Variants in TLE1 observed in about 807,000 individuals in gnomAD.
TLE1 encodes transducin-like enhancer protein 1.
TLE1 carries 21 observed loss-of-function variants against 89.8 expected under a neutral mutation model. The observed-to-expected ratio is 0.23, with a 90% CI of 0.17 to 0.34. TLE1 has a LOEUF of 0.34. Among genes scored for constraint, TLE1 ranks in the 10% least tolerant of loss-of-function variants. The pLI is 1.00. For synonymous variants in TLE1, 447 were observed against 407.6 expected, an observed-to-expected ratio of 1.10 and a Z score of -1.16; for missense variants, 795 against 1,031.2, an observed-to-expected ratio of 0.77 and a Z score of 3.14.
intron 14 of TLE1, among the ~76,000 whole-genome samples, chr9:81,595,735 C>T (rs996736089): frequency 3.3e-4 from 49 of 149,210 alleles, no homozygotes; most frequent in African/African-American, 9.9e-4. Flanking sequence ...AGGAGAATGG[C>T]GTGAACCTGG....
chr9:81,640,724 A>G (rs957130894), intron 6 of TLE1, among the ~76,000 whole-genome samples: 13 of 152,220 alleles, frequency 8.5e-5, no homozygotes, highest in Admixed American at 2.0e-4. Flanking sequence ...TACTATAATG[A>G]AACTGACTTT....
chr9:81,634,366 C>T, intron 6 of TLE1, 65 bp from the exon 7 acceptor site: 8 of 1,309,644 alleles, frequency 6.1e-6, no homozygotes, highest in East Asian at 2.7e-5. Context: ...ACAGTGATGG[C>T]GATGGAGGCG....
chr9:81,680,300 A>G (rs1833446230), intron 4 of TLE1, among the ~76,000 whole-genome samples: 1 of 152,190 alleles, frequency 6.6e-6, no homozygotes, highest in Non-Finnish European at 1.5e-5. Context: ...GCCACTCCCC[A>G]CAGGACAGGT....
rs748986061 is a variant in TLE1 at position 81,584,513 on chromosome 9, C to T, written c.2140G>A (p.Val714Met). Residue 714 changes from valine to methionine, a missense_variant, in exon 19 of 20, where the codon GTG becomes ATG. This residue lies in a region of TLE1 where 214 missense variants were observed against 354.9 expected (regional missense o/e 0.60). Coordinates refer to ENST00000376499, the MANE Select transcript of TLE1 (RefSeq NM_005077.5). The stretch of plus-strand genomic sequence containing the variant: ...AGGAGGTTATCTTTTCCAGTACTCA[C>T]AAACCATTTACCTAGAATTAGCAAA... Reference protein sequence around the residue: ...LKFAYCGKWFVSTGKDNLLNA... With the variant: ...LKFAYCGKWFMSTGKDNLLNA... 4.3e-6 allele frequency: 7 copies of T among 1,614,048 alleles called. No homozygotes were observed. The Admixed American group carries it at 5.0e-5, about 12-fold the overall frequency.
At chr9:81,633,212 C>G (rs1359311518) in intron 8 of TLE1, 136 bp downstream of exon 8, 8 of 1,406,618 alleles carry the variant, frequency 5.7e-6, no homozygotes, top group Non-Finnish European at 6.6e-6. Context: ...AAGAAAAAAG[C>G]CAGGTCACTG....
intron 14 of TLE1, among the ~76,000 whole-genome samples, chr9:81,599,373 G>A (rs923869745): frequency 5.9e-5 from 9 of 152,076 alleles, no homozygotes; most frequent in African/African-American, 2.2e-4. Flanking sequence ...GAGGGATAAC[G>A]TGGGACCCAC....
chr9:81,591,987 G>C (rs575922540), intron 15 of TLE1, among the ~76,000 whole-genome samples: 2 of 152,242 alleles, frequency 1.3e-5, no homozygotes, highest in Admixed American at 1.3e-4. Flanking sequence ...CCACACCAGG[G>C]CAGGGCAGGG....
At chr9:81,687,280 G>A (rs1834415747) in intron 2 of TLE1, 54 bp downstream of exon 2, 16 of 1,501,614 alleles carry the variant, frequency 1.1e-5, no homozygotes, top group East Asian at 2.3e-5. Context: ...CCGGCTGGGT[G>A]CAAGGGGCAC....
At chr9:81,596,611 G>A (rs925364210) in intron 14 of TLE1, among the ~76,000 whole-genome samples, 1 of 152,172 alleles carries the variant, frequency 6.6e-6, no homozygotes, top group Non-Finnish European at 1.5e-5. Flanking sequence ...AAAGAGGAAT[G>A]TATAAACAGA....
intron 4 of TLE1, among the ~76,000 whole-genome samples, chr9:81,662,400 T>TGTGTGTGC: frequency 7.4e-6 from 1 of 134,884 alleles, no homozygotes; most frequent in African/African-American, 2.7e-5. Flanking sequence ...TGTGTGTGTG[T>TGTGTGTGC]GTGTGTTTAA....
intron 6 of TLE1, among the ~76,000 whole-genome samples, chr9:81,639,241 T>A (rs1827783951): frequency 3.3e-5 from 5 of 152,034 alleles, no homozygotes; most frequent in Admixed American, 3.3e-4. Flanking sequence ...TTGGCTAATT[T>A]TTTTTACACA....
At chr9:81,613,247 A>G in intron 12 of TLE1, 130 bp downstream of exon 12, 1 of 1,290,474 alleles carries the variant, frequency 7.7e-7, no homozygotes. Context: ...GCTTTTTCAG[A>G]GATAGGAAGG....
At chr9:81,650,567 T>C (rs1166002064) in intron 6 of TLE1, among the ~76,000 whole-genome samples, 2 of 152,344 alleles carry the variant, frequency 1.3e-5, no homozygotes, top group East Asian at 3.9e-4. Context: ...TACCAGTGAA[T>C]ATTTGATTTG....
At chr9:81,614,792 T>C (rs1033835419) in intron 11 of TLE1, among the ~76,000 whole-genome samples, 1 of 152,046 alleles carries the variant, frequency 6.6e-6, no homozygotes, top group African/African-American at 2.4e-5. Flanking sequence ...TGTGCATCAC[T>C]GATCTGACGA....
intron 17 of TLE1, among the ~76,000 whole-genome samples, chr9:81,586,788 T>TA (rs1238209525): frequency 6.6e-6 from 1 of 152,084 alleles, no homozygotes; most frequent in African/African-American, 2.4e-5. Flanking sequence ...TAAGAAGTTT[T>TA]AAAAAAAGGC....
At chr9:81,623,616 TTAAAAAAA>T (rs1223970511) in intron 8 of TLE1, among the ~76,000 whole-genome samples, 6 of 84,394 alleles carry the variant, frequency 7.1e-5, no homozygotes, top group African/African-American at 2.2e-4. Flanking sequence ...CCATCTGTAC[TTAAAAAAA>T]AAAAAAAAAA....
intron 16 of TLE1, among the ~76,000 whole-genome samples, chr9:81,589,495 T>C (rs1486815875): frequency 6.6e-6 from 1 of 152,108 alleles, no homozygotes; most frequent in Non-Finnish European, 1.5e-5. Context: ...CGCTACCCCA[T>C]TCTATCCAAC....
At chr9:81,682,389 A>C (rs1833744388) in intron 4 of TLE1, among the ~76,000 whole-genome samples, 1 of 152,210 alleles carries the variant, frequency 6.6e-6, no homozygotes, top group East Asian at 1.9e-4. Flanking sequence ...AGAGCAAAAC[A>C]CCTACCCAAT....
chr9:81,636,585 C>G (rs1323699066), intron 6 of TLE1, among the ~76,000 whole-genome samples: 2 of 152,148 alleles, frequency 1.3e-5, no homozygotes, highest in Non-Finnish European at 2.9e-5. Flanking sequence ...ATGCCACCCT[C>G]TCACCCCTCT....
Sources: allele counts gnomAD v4.1 joint callset (sites outside exome capture counted in the v4.1 genomes callset), GRCh38; gene constraint gnomAD v4.1.1; regional missense constraint gnomAD v4.1.1; transcripts MANE v1.5; gene names NCBI Gene and HGNC (gene_info 2026-07-23, HGNC 2026-07-21).